Variants in PTPRD observed in about 807,000 individuals in gnomAD.
PTPRD encodes the protein receptor-type tyrosine-protein phosphatase delta.
Under a neutral mutation model 214.5 loss-of-function variants are expected in PTPRD, and 34 were observed. That is an observed-to-expected ratio of 0.16 (90% CI 0.12 to 0.21). PTPRD has a LOEUF of 0.21. PTPRD is among the 10% of genes least tolerant of loss of function. PTPRD has a pLI of 1.00. For synonymous variants in PTPRD, 1,128 were observed against 845.7 expected (o/e 1.33, Z -5.79); for missense variants, 2,545 against 2,398.7 (o/e 1.06, Z -1.27).
Position 8,726,638 on chromosome 9 carries a change from T to A in PTPRD, c.64+7142A>T, listed in dbSNP as rs1227420794. On this transcript the variant is annotated intron_variant, in intron 12 of 45. Coordinates refer to ENST00000381196, the MANE Select transcript of PTPRD (RefSeq NM_002839.4). ...ATATATATATATATATATATATATATATATATATATATGACAGCCAGGTGT... is the reference window on the plus strand; with the variant it reads ...ATATATATATATATATATATATATAAATATATATATATGACAGCCAGGTGT... Among the ~76,000 whole-genome samples, 112 of 65,780 alleles carry A rather than the reference T, an allele frequency of 1.7e-3. 18 individuals are homozygous for A. The East Asian group carries it at 0.022, about 13-fold the overall frequency. The allele number at this position is 65,780 out of a possible 152,430, so 43.2% of individuals were successfully genotyped here.
At chr9:8,507,470 C>T in intron 21 of PTPRD, 36 bp from the exon 22 acceptor site, 1 of 1,612,486 alleles carries the variant, frequency 6.2e-7, no homozygotes, top group African/African-American at 1.3e-5. Context: ...AACTCACAAT[C>T]ACCAGGAGTA....
At chr9:9,918,371 C>T (rs201782806) in intron 5 of PTPRD, among the ~76,000 whole-genome samples, 1 of 68,842 alleles carries the variant, frequency 1.5e-5, no homozygotes, top group South Asian at 4.2e-4. Context: ...AAAAAAAAAA[C>T]TCCACAATGA....
In PTPRD at chr9:9,080,607, C is replaced by T. The variant is rs138031505; in HGVS notation, c.-142-61872G>A. ...ATAGCATGTGACTCCTGCAGTCTGA[C>T]TCCAGAGCTTCCCACTTAATCACAA... On this transcript the variant is annotated intron_variant, in intron 10 of 45. Transcript: ENST00000381196. Among the ~76,000 whole-genome samples, 7 of 152,150 alleles carry T rather than the reference C, an allele frequency of 4.6e-5. No homozygotes were observed. In the East Asian group the frequency reaches 1.4e-3, roughly 29 times the overall value.
At chr9:9,677,915 C>T (rs1255058791) in intron 7 of PTPRD, among the ~76,000 whole-genome samples, 3 of 151,998 alleles carry the variant, frequency 2.0e-5, no homozygotes, top group Admixed American at 6.6e-5. Context: ...AGCGTTCTTA[C>T]ACACCAATAA....
intron 2 of PTPRD, among the ~76,000 whole-genome samples, chr9:10,586,785 CT>C (rs5896406): frequency 0.88 from 126,714 of 143,920 alleles, 57,130 homozygotes; most frequent in East Asian, 0.98. Context: ...TTATAGACAA[CT>C]TTTTTTTTTT....
intron 3 of PTPRD, among the ~76,000 whole-genome samples, chr9:10,125,782 TC>T (rs2098814828): frequency 6.6e-6 from 1 of 151,984 alleles, no homozygotes; most frequent in Admixed American, 6.6e-5. Context: ...GCACCCATCT[TC>T]TTTTTAAAAA....
intron 34 of PTPRD, among the ~76,000 whole-genome samples, 199 bp downstream of exon 34, chr9:8,449,526 C>T (rs1018777743): frequency 6.6e-6 from 1 of 152,166 alleles, no homozygotes; most frequent in African/African-American, 2.4e-5. Flanking sequence ...TTTTTCTTCC[C>T]TACCCAATTT....
chr9:8,726,961 C>T (rs2098587444), intron 12 of PTPRD, among the ~76,000 whole-genome samples: 1 of 151,450 alleles, frequency 6.6e-6, no homozygotes, highest in African/African-American at 2.4e-5. Context: ...GCAGCAGAGC[C>T]AGACCCTGTC....
chr9:9,598,339 G>A (rs1032665940), intron 7 of PTPRD, among the ~76,000 whole-genome samples: 2 of 151,910 alleles, frequency 1.3e-5, no homozygotes, highest in Non-Finnish European at 2.9e-5. Context: ...TGGGGATGTC[G>A]AGTAGGAGAG....
rs1002600172 is a variant in PTPRD at position 10,227,763 on chromosome 9, G to T, written c.-545+113200C>A. ...TCATCTGTGTTTATCAGTGTGTCCAGAAAATAGAAAACATTCCTTCAACAC... is the reference window on the plus strand; with the variant it reads ...TCATCTGTGTTTATCAGTGTGTCCATAAAATAGAAAACATTCCTTCAACAC... On this transcript the variant is annotated intron_variant, in intron 3 of 45. Coordinates refer to ENST00000381196, the MANE Select transcript of PTPRD (RefSeq NM_002839.4). Among the ~76,000 whole-genome samples the T allele has an allele frequency of 1.1e-4, 17 of 152,068 alleles. No individual in the cohort carries two copies. In the East Asian group the frequency reaches 3.3e-3, roughly 30 times the overall value.
At chr9:9,808,924 C>A (rs2046276329) in intron 5 of PTPRD, among the ~76,000 whole-genome samples, 1 of 149,060 alleles carries the variant, frequency 6.7e-6, no homozygotes, top group Non-Finnish European at 1.5e-5. Flanking sequence ...GTACATGCCA[C>A]AATGCCTGGC....
At chr9:10,166,387 T>C (rs1050703284) in intron 3 of PTPRD, among the ~76,000 whole-genome samples, 24 of 151,836 alleles carry the variant, frequency 1.6e-4, no homozygotes, top group Admixed American at 1.6e-3. Context: ...TTTTTTTGTT[T>C]GTTTACTTAA....
chr9:9,191,715 G>C (rs1278263291), intron 9 of PTPRD, among the ~76,000 whole-genome samples: 1 of 151,790 alleles, frequency 6.6e-6, no homozygotes, highest in African/African-American at 2.4e-5. Flanking sequence ...TGAACCAAAA[G>C]CCATTTAAGA....
intron 9 of PTPRD, among the ~76,000 whole-genome samples, chr9:9,304,139 C>T (rs575372673): frequency 1.3e-5 from 2 of 151,968 alleles, no homozygotes; most frequent in Non-Finnish European, 2.9e-5. Context: ...GTTCTAGGCC[C>T]ATGATTGAGC....
chr9:9,963,112 T>C (rs922394461), intron 4 of PTPRD, among the ~76,000 whole-genome samples: 5 of 152,102 alleles, frequency 3.3e-5, no homozygotes, highest in South Asian at 4.1e-4. Context: ...ACAAGTTTAG[T>C]AGAAAAGTAA....
At chr9:9,687,915 G>A (rs189434761) in intron 7 of PTPRD, among the ~76,000 whole-genome samples, 113 of 151,914 alleles carry the variant, frequency 7.4e-4, no homozygotes, top group Middle Eastern at 3.4e-3. Context: ...ATAAGTTAAG[G>A]GAAGAACCTG....
chr9:9,544,156 A>G (rs7849593), intron 8 of PTPRD, among the ~76,000 whole-genome samples: 30,771 of 151,476 alleles, frequency 0.2, 3,494 homozygotes, highest in Non-Finnish European at 0.24. Context: ...TTTAATACCA[A>G]ACTATTTTCT....
chr9:9,038,003 A>G (rs887620447), intron 10 of PTPRD, among the ~76,000 whole-genome samples: 1 of 152,200 alleles, frequency 6.6e-6, no homozygotes, highest in Non-Finnish European at 1.5e-5. Flanking sequence ...AACTTCACAG[A>G]GTTGGGTAGA....
At chr9:10,261,829 T>C (rs2093718603) in intron 3 of PTPRD, among the ~76,000 whole-genome samples, 1 of 152,172 alleles carries the variant, frequency 6.6e-6, no homozygotes, top group East Asian at 1.9e-4. Flanking sequence ...ATTTTTTCTA[T>C]ACCAGGTATC....
Sources: allele counts gnomAD v4.1 joint callset (sites outside exome capture counted in the v4.1 genomes callset), GRCh38; gene constraint gnomAD v4.1.1; transcripts MANE v1.5; gene names NCBI Gene and HGNC (gene_info 2026-07-23, HGNC 2026-07-21).